The following KCNIP2 variants were observed in gnomAD, a reference collection of about 807,000 sequenced individuals.
The protein encoded by KCNIP2 is A-type potassium channel modulatory protein KCNIP2.
In KCNIP2, 19 loss-of-function variants were observed where a neutral mutation model predicts 39.0. That is an observed-to-expected ratio of 0.49 (90% CI 0.34 to 0.71). The LOEUF is 0.71. KCNIP2 is among the 30% of genes least tolerant of loss of function. KCNIP2 has a pLI of 0.01. For missense variants in KCNIP2, 261 were observed against 346.0 expected, an observed-to-expected ratio of 0.75 and a Z score of 1.95; for synonymous variants, 111 against 131.2, an observed-to-expected ratio of 0.85 and a Z score of 1.05.
chr10:101,830,547 C>T (rs1253742159), intron 2 of KCNIP2: 5 of 1,023,618 alleles, frequency 4.9e-6, no homozygotes, highest in Non-Finnish European at 6.4e-6. Flanking sequence ...CACAGTTTTG[C>T]GGGAGCGGTG....
rs751486936 is a variant in KCNIP2, at chr10:101,828,601, C to T, written c.418+26G>A. 1.2e-6 allele frequency: 2 copies of T among 1,609,808 alleles called. No individual in the cohort carries two copies. The highest frequency in any genetic ancestry group is 4.5e-5 in the East Asian group (2 of 44,834). ...CCCTCAGCCTAGAGAAGGACAACTG[C>T]TTCCCCTTGGGCCTTGTCCCCTCAC... is the stretch of plus-strand genomic sequence containing the variant. On this transcript the variant is annotated intron_variant, in intron 5 of 9. Transcript: ENST00000356640. The surrounding 1 kb of genome is among the most constrained non-coding windows in gnomAD (Gnocchi z 6.6).
rs550659925 is a variant in KCNIP2, at chr10:101,828,685, G to A, written c.360C>T (p.Ser120=). Residue 120 remains serine (S), a synonymous_variant, in exon 5 of 10, where the codon AGC becomes AGT. Coordinates refer to ENST00000356640, the MANE Select transcript of KCNIP2 (RefSeq NM_173191.3). The surrounding 1 kb of genome is among the most constrained non-coding windows in gnomAD (Gnocchi z 6.6). ...TGAAGTTCTCCTCATTGACAATTCCGCTGGGACATTCCTGGAAGGAGAGGG... is the reference window on the plus strand; with the variant it reads ...TGAAGTTCTCCTCATTGACAATTCCACTGGGACATTCCTGGAAGGAGAGGG... The part of the protein sequence containing the change: ...LYRGFKNECP[S]GIVNEENFKQ... The A allele has an allele frequency of 3.4e-5, 55 of 1,614,124 alleles. No homozygotes were observed. Among genetic ancestry groups the A allele is most frequent in the Admixed American group, 6.7e-5 (4 of 60,016 alleles).
rs747470460 is a variant in KCNIP2 at position 101,828,771 on chromosome 10, C to T, written c.349-75G>A. ...TTCACCGCCCCCACCCTCCATGGCC[C>T]AAGACTCCCAGGGAGGGGGATAATC... On this transcript the variant is annotated intron_variant, in intron 4 of 9. Transcript: ENST00000356640. This position sits in a 1 kb window ranked among gnomAD's most constrained non-coding sequence, Gnocchi z 6.6. 1.2e-6 allele frequency: 2 copies of T among 1,612,186 alleles called. No individual in the cohort carries two copies. The highest frequency in any genetic ancestry group is 1.7e-6 in the Non-Finnish European group (2 of 1,178,946).
intron 3 of KCNIP2, chr10:101,829,479 G>T: frequency 2.1e-6 from 1 of 482,152 alleles, no homozygotes; most frequent in Non-Finnish European, 3.6e-6. Flanking sequence ...GGAGGGGAAG[G>T]CCCCCAGCCG....
rs752421414 is a variant in KCNIP2, at chr10:101,828,696, C to G, written c.349G>C (p.Glu117Gln). The G allele has an allele frequency of 1.2e-6, 2 of 1,614,144 alleles. No homozygotes were observed. Among genetic ancestry groups the G allele is most frequent in the Non-Finnish European group, 1.7e-6 (2 of 1,180,030 alleles). ...LQVLYRGFKN[E>Q]CPSGIVNEEN... ...TCATTGACAATTCCGCTGGGACATT[C>G]CTGGAAGGAGAGGGCACCAGGCTGA... The change falls in exon 5 of 10, where the codon GAA becomes CAA. Residue 117 changes from glutamate (E) to glutamine (Q), a missense_variant and splice_region_variant. Physicochemically the swap from Glu to Gln is conservative, Grantham distance 29. Transcript: ENST00000356640. The surrounding 1 kb of genome is among the most constrained non-coding windows in gnomAD (Gnocchi z 6.6).
Position 101,827,169 on chromosome 10 carries a change from C to A in KCNIP2, c.*184G>T. ...TTGGGAACACCCCCCGAGATGCACT[C>A]TGCCCACTCTCTGGCCCCTTCAGCT... On this transcript the variant is annotated 3_prime_UTR_variant, in exon 10 of 10. Coordinates refer to ENST00000356640, the MANE Select transcript of KCNIP2 (RefSeq NM_173191.3). The A allele has an allele frequency of 7.6e-7, 1 of 1,309,850 alleles. No homozygotes were observed. The highest frequency in any genetic ancestry group is 2.9e-5 in the Admixed American group (1 of 34,784). The allele number at this position is 1,309,850 out of a possible 1,614,324, so 81.1% of individuals were successfully genotyped here. A position where few individuals can be genotyped will look rare whatever the true frequency, so the allele number is the denominator to read the frequency against.
Position 101,828,597 on chromosome 10 carries a change from A to G in KCNIP2, c.418+30T>C, listed in dbSNP as rs1387155180. 1 of 1,609,988 alleles carries G rather than the reference A, an allele frequency of 6.2e-7. No individual in the cohort carries two copies. Among genetic ancestry groups the G allele is most frequent in the Non-Finnish European group, 8.5e-7 (1 of 1,176,454 alleles). ...CCCTCCCTCAGCCTAGAGAAGGACA[A>G]CTGCTTCCCCTTGGGCCTTGTCCCC... On this transcript the variant is annotated intron_variant, in intron 5 of 9. Coordinates refer to ENST00000356640, the MANE Select transcript of KCNIP2 (RefSeq NM_173191.3). This position sits in a 1 kb window ranked among gnomAD's most constrained non-coding sequence, Gnocchi z 6.6.
chr10:101,832,285 C>A lies in KCNIP2; in HGVS notation c.74-1118G>T, dbSNP rs564263434. On this transcript the variant is annotated intron_variant, in intron 1 of 9. Transcript: ENST00000356640. ...AGCTCTAATTGCACCCCCAGAGGAC[C>A]CTCAGTGTTACTGTGTGTGTGTGTG... 3.0e-4 allele frequency among the ~76,000 whole-genome samples: 44 copies of A among 145,166 alleles called. 1 individual carries two copies. In the South Asian group the frequency reaches 9.4e-3, roughly 31 times the overall value.
At position 101,843,483 on chromosome 10, in the gene KCNIP2, G is replaced by A. The variant is rs564987463; in HGVS notation, c.73+13C>T. The A allele has an allele frequency of 3.2e-6, 5 of 1,541,912 alleles. No homozygotes were observed. In the African/African-American group the frequency reaches 4.2e-5, roughly 13 times the overall value. Reference sequence around the variant, plus strand: ...CCACCCTCCCTCCCGCGACCCCCACGTCACTGACTCACCCGTGAGCTGGTC... The same window carrying A: ...CCACCCTCCCTCCCGCGACCCCCACATCACTGACTCACCCGTGAGCTGGTC... On this transcript the variant is annotated intron_variant, in intron 1 of 9. Transcript: ENST00000356640. This position sits in a 1 kb window ranked among gnomAD's most constrained non-coding sequence, Gnocchi z 6.7.
Position 101,843,542 on chromosome 10 carries a change from A to C in KCNIP2, c.27T>G (p.Ser9Arg). 2 of 1,573,096 alleles carry C rather than the reference A, an allele frequency of 1.3e-6. No homozygotes were observed. The highest frequency in any genetic ancestry group is 3.4e-4 in the Middle Eastern group (2 of 5,916). Residue 9 changes from serine to arginine, a missense_variant, in exon 1 of 10, where the codon AGT becomes AGG. Ser to Arg is a moderately radical substitution (Grantham distance 110). Coordinates refer to ENST00000356640, the MANE Select transcript of KCNIP2 (RefSeq NM_173191.3). This position sits in a 1 kb window ranked among gnomAD's most constrained non-coding sequence, Gnocchi z 6.7. MRGQGRKE[S>R]LSDSRDLDGS... ...CGTCCAGGTCTCGGGAATCGGACAA[A>C]CTCTCCTTGCGGCCCTGGCCCCGCA...
chr10:101,829,453 CCCT>C (rs2065881060), intron 3 of KCNIP2: 1 of 502,730 alleles, frequency 2.0e-6, no homozygotes, highest in African/African-American at 2.0e-5. Flanking sequence ...CGCCCCGCGG[CCCT>C]CGATCCCTCG....
At chr10:101,837,499 T>A (rs1032334625) in intron 1 of KCNIP2, among the ~76,000 whole-genome samples, 16 of 152,016 alleles carry the variant, frequency 1.1e-4, no homozygotes, top group Non-Finnish European at 1.9e-4. Flanking sequence ...TGAAACCCCG[T>A]CTCTACTAAA....
chr10:101,830,297 G>A, intron 2 of KCNIP2: 1 of 826,366 alleles, frequency 1.2e-6, no homozygotes, highest in Non-Finnish European at 1.7e-6. Flanking sequence ...AAATACCCTG[G>A]CGTCTGGAGG....
In KCNIP2 at chr10:101,826,703, C is replaced by A. The variant is rs1205510546; in HGVS notation, c.*650G>T. 6.6e-6 allele frequency: 1 copy of A among 152,236 alleles called. No homozygotes were observed. The highest frequency in any genetic ancestry group is 1.5e-5 in the Non-Finnish European group (1 of 68,052). The allele number at this position is 152,236 out of a possible 1,614,324, so 9.4% of individuals were successfully genotyped here. A position where few individuals can be genotyped will look rare whatever the true frequency, so the allele number is the denominator to read the frequency against. The stretch of plus-strand genomic sequence containing the variant: ...AATTTCTGGGGCATTTCTAAGGAGA[C>A]AAGGTCTTCTGCAAAGCCTGGAAAC... On this transcript the variant is annotated 3_prime_UTR_variant, in exon 10 of 10. Coordinates refer to ENST00000356640, the MANE Select transcript of KCNIP2 (RefSeq NM_173191.3).
In KCNIP2 at chr10:101,843,392, T is replaced by C. The variant is rs1284425995; in HGVS notation, c.73+104A>G. The C allele has an allele frequency of 9.1e-6, 6 of 660,190 alleles. No homozygotes were observed. Among genetic ancestry groups the C allele is most frequent in the Admixed American group, 8.1e-5 (2 of 24,714 alleles). 40.9% of individuals were successfully genotyped at this position (660,190 alleles called of 1,614,324 possible). A position where few individuals can be genotyped will look rare whatever the true frequency, so the allele number is the denominator to read the frequency against. On this transcript the variant is annotated intron_variant, in intron 1 of 9. Transcript: ENST00000356640. The surrounding 1 kb of genome is among the most constrained non-coding windows in gnomAD (Gnocchi z 6.7). ...GACCGGCCATAAGAGTGCCTGGGAA[T>C]GGGGCAGAGTGTGGGTGCGGGCCAG...
At chr10:101,830,479 G>A (rs1310665460) in intron 2 of KCNIP2, 7 of 1,270,836 alleles carry the variant, frequency 5.5e-6, no homozygotes, top group Non-Finnish European at 7.2e-6. Context: ...GGCCGCCACA[G>A]CTACACAGGC....
chr10:101,842,544 T>C (rs1376604311), intron 1 of KCNIP2, among the ~76,000 whole-genome samples: 1 of 152,174 alleles, frequency 6.6e-6, no homozygotes, highest in Non-Finnish European at 1.5e-5. Context: ...GTAAGAATAA[T>C]CTCAGTACAT....
At chr10:101,836,817 C>T (rs994336384) in intron 1 of KCNIP2, among the ~76,000 whole-genome samples, 5 of 152,092 alleles carry the variant, frequency 3.3e-5, no homozygotes, top group South Asian at 4.2e-4. Context: ...AAAAATTAGC[C>T]GGGCGTGGTG....
intron 1 of KCNIP2, among the ~76,000 whole-genome samples, chr10:101,836,395 C>A (rs1391300101): frequency 1.3e-5 from 2 of 151,758 alleles, no homozygotes; most frequent in Non-Finnish European, 2.9e-5. Flanking sequence ...CGTGCACCAC[C>A]ACGCCCAGCT....
Sources: gnomAD v4.1 joint callset for allele counts (sites outside exome capture counted in the v4.1 genomes callset) on GRCh38, gnomAD v4.1.1 for gene constraint, Gnocchi (gnomAD v3.1) non-coding constraint, MANE v1.5 for transcripts, NCBI Gene and HGNC (gene_info 2026-07-23, HGNC 2026-07-21) for gene names.